ZMIZ1: variants seen among roughly 807,000 people sequenced by gnomAD.
ZMIZ1 encodes the protein zinc finger MIZ domain-containing protein 1.
Under a neutral mutation model 113.9 loss-of-function variants are expected in ZMIZ1, and 17 were observed. The observed-to-expected ratio is 0.15, with a 90% CI of 0.10 to 0.22. The LOEUF is 0.22. Ranked by LOEUF, ZMIZ1 falls within the 10% of genes least tolerant of loss-of-function variation. ZMIZ1 has a pLI of 1.00. For synonymous variants in ZMIZ1, 607 were observed against 603.1 expected (o/e 1.01, Z -0.09); for missense variants, 1,059 against 1,477.8 (o/e 0.72, Z 4.65).
chr10:79,164,946 C>T (rs879850802), intron 4 of ZMIZ1, among the ~76,000 whole-genome samples: 4 of 152,112 alleles, frequency 2.6e-5, no homozygotes, highest in Admixed American at 6.5e-5. Context: ...AGGATACAGG[C>T]GCTGAGGCAC....
chr10:79,299,681 G>A (rs2132061450), intron 16 of ZMIZ1, among the ~76,000 whole-genome samples: 1 of 152,376 alleles, frequency 6.6e-6, no homozygotes, highest in South Asian at 2.1e-4. Flanking sequence ...AGGTCCGGAG[G>A]TTCCCTGCTG....
intron 23 of ZMIZ1, among the ~76,000 whole-genome samples, chr10:79,308,231 A>T (rs1463730702): frequency 6.6e-6 from 1 of 152,200 alleles, no homozygotes; most frequent in East Asian, 1.9e-4. Context: ...CACTCATTTT[A>T]ACAAGCGTTT....
intron 7 of ZMIZ1, among the ~76,000 whole-genome samples, chr10:79,223,834 C>A (rs953306397): frequency 6.6e-6 from 1 of 152,220 alleles, no homozygotes; most frequent in Admixed American, 6.5e-5. Flanking sequence ...TCCCCTCCCC[C>A]ACCTCCCTGA....
chr10:79,217,209 G>A (rs1848769548), intron 7 of ZMIZ1, among the ~76,000 whole-genome samples: 1 of 152,178 alleles, frequency 6.6e-6, no homozygotes, highest in Non-Finnish European at 1.5e-5. Flanking sequence ...AGATCACGAG[G>A]TCAGGAGATC....
chr10:79,156,779 C>G (rs577207669), intron 3 of ZMIZ1, among the ~76,000 whole-genome samples: 2 of 152,326 alleles, frequency 1.3e-5, no homozygotes, highest in Non-Finnish European at 2.9e-5. Flanking sequence ...TTCCTAGGTC[C>G]TCATTCATTT....
chr10:79,240,254 G>T (rs1322558003), intron 7 of ZMIZ1, among the ~76,000 whole-genome samples: 1 of 152,256 alleles, frequency 6.6e-6, no homozygotes, highest in East Asian at 1.9e-4. Flanking sequence ...GTCACTCAGA[G>T]AGCTCACCAA....
At chr10:79,209,167 C>T (rs868209593) in intron 6 of ZMIZ1, among the ~76,000 whole-genome samples, 18 of 141,788 alleles carry the variant, frequency 1.3e-4, no homozygotes, top group Non-Finnish European at 2.5e-4. Context: ...CAGGAGTGCT[C>T]GGGGCACAAG....
At chr10:79,292,494 T>C in intron 11 of ZMIZ1, 138 bp downstream of exon 11, 1 of 1,188,410 alleles carries the variant, frequency 8.4e-7, no homozygotes, top group Non-Finnish European at 1.2e-6. Flanking sequence ...GCATTTGGGC[T>C]TTCATGGAAG....
rs996759903 is a variant in ZMIZ1 at position 79,314,335 on chromosome 10, C to T, written c.*1586C>T. On this transcript the variant is annotated 3_prime_UTR_variant, in exon 25 of 25. Coordinates refer to ENST00000334512, the MANE Select transcript of ZMIZ1 (RefSeq NM_020338.4). ...CCCGGCTGCTGCCTGGGGCCCTTTC[C>T]TGCTCTCCCGTCCGCTGTGGGTGGT... The T allele has an allele frequency of 2.2e-6, 1 of 444,758 alleles. No homozygotes were observed. Among genetic ancestry groups the T allele is most frequent in the Non-Finnish European group, 4.6e-6 (1 of 219,668 alleles). 27.6% of individuals were successfully genotyped at this position (444,758 alleles called of 1,614,324 possible). A position where few individuals can be genotyped will look rare whatever the true frequency, so the allele number is the denominator to read the frequency against.
chr10:79,222,135 G>T (rs531873719), intron 7 of ZMIZ1, among the ~76,000 whole-genome samples: 2 of 152,224 alleles, frequency 1.3e-5, no homozygotes, highest in Non-Finnish European at 2.9e-5. Context: ...CAGACTGGCT[G>T]CTCATAGGCC....
intron 1 of ZMIZ1, among the ~76,000 whole-genome samples, chr10:79,115,012 C>A (rs1843960751): frequency 6.6e-6 from 1 of 152,232 alleles, no homozygotes; most frequent in African/African-American, 2.4e-5. Context: ...TAGACTTCCA[C>A]TCCCAGGGGA....
intron 1 of ZMIZ1, among the ~76,000 whole-genome samples, chr10:79,113,411 G>A (rs1843835689): frequency 1.3e-5 from 2 of 152,200 alleles, no homozygotes; most frequent in South Asian, 2.1e-4. Context: ...TGCTGCCCGG[G>A]CAGCTAGGGT....
At position 79,296,399 on chromosome 10, in the gene ZMIZ1, G is replaced by T. The variant is rs1480581217; in HGVS notation, c.1231-72G>T. 27 of 1,550,172 alleles carry T rather than the reference G, an allele frequency of 1.7e-5. No homozygotes were observed. Among genetic ancestry groups the T allele is most frequent in the Non-Finnish European group, 1.5e-5 (17 of 1,129,112 alleles). Reference sequence around the variant, plus strand: ...GAGGAGAGGCGGGCCCCATCCCGTTGTTCAGGTGACCTGGCTATGTGACGT... The same window carrying T: ...GAGGAGAGGCGGGCCCCATCCCGTTTTTCAGGTGACCTGGCTATGTGACGT... On this transcript the variant is annotated intron_variant, in intron 12 of 24. Coordinates refer to ENST00000334512, the MANE Select transcript of ZMIZ1 (RefSeq NM_020338.4). This position sits in a 1 kb window ranked among gnomAD's most constrained non-coding sequence, Gnocchi z 4.1.
chr10:79,120,338 A>C (rs1844236944), intron 2 of ZMIZ1, among the ~76,000 whole-genome samples: 3 of 151,954 alleles, frequency 2.0e-5, no homozygotes, highest in African/African-American at 7.3e-5. Context: ...ACAAACTCTC[A>C]CAAGCACACA....
At chr10:79,311,304 G>GGGGGT in intron 24 of ZMIZ1, 120 bp downstream of exon 24, 1 of 359,152 alleles carries the variant, frequency 2.8e-6, no homozygotes, top group Non-Finnish European at 5.5e-6. Context: ...TGGGCGGTGG[G>GGGGGT]AGGGCTTCAC....
intron 8 of ZMIZ1, chr10:79,285,399 T>G: frequency 2.2e-6 from 1 of 451,918 alleles, no homozygotes; most frequent in Non-Finnish European, 4.4e-6. Context: ...GCACTTACAC[T>G]TAACCCTCAC....
chr10:79,101,650 G>A (rs1301930735), intron 1 of ZMIZ1, among the ~76,000 whole-genome samples: 2 of 152,186 alleles, frequency 1.3e-5, no homozygotes, highest in Non-Finnish European at 2.9e-5. Flanking sequence ...GTAGTCTCTA[G>A]GTAGGCAACT....
chr10:79,194,116 G>A (rs1226306218), intron 4 of ZMIZ1, among the ~76,000 whole-genome samples: 1 of 152,228 alleles, frequency 6.6e-6, no homozygotes, highest in Non-Finnish European at 1.5e-5. Flanking sequence ...CACTGGCACC[G>A]CTTGCCCCAG....
intron 1 of ZMIZ1, among the ~76,000 whole-genome samples, chr10:79,088,245 G>C (rs1842874437): frequency 6.6e-6 from 1 of 152,268 alleles, no homozygotes; most frequent in African/African-American, 2.4e-5. Context: ...TGCTGTGCCT[G>C]CATTGCCGCT....
Sources: gnomAD v4.1 joint callset for allele counts (sites outside exome capture counted in the v4.1 genomes callset) on GRCh38, gnomAD v4.1.1 for gene constraint, Gnocchi (gnomAD v3.1) non-coding constraint, MANE v1.5 for transcripts, NCBI Gene and HGNC (gene_info 2026-07-23, HGNC 2026-07-21) for gene names.